The following TTC28 variants were observed in gnomAD, a reference collection of about 807,000 sequenced individuals.
TTC28 encodes the protein tetratricopeptide repeat protein 28.
In TTC28, 61 loss-of-function variants were observed where a neutral mutation model predicts 198.0. The observed-to-expected ratio is 0.31, with a 90% CI of 0.25 to 0.38. TTC28 has a LOEUF of 0.38. Ranked by LOEUF, TTC28 falls within the 10% of genes least tolerant of loss-of-function variation. The pLI, the probability that TTC28 is intolerant of heterozygous loss-of-function variation, is 1.00. For missense variants in TTC28, 2,678 were observed against 3,164.0 expected (o/e 0.85, Z 3.69); for synonymous variants, 1,171 against 1,297.8 (o/e 0.90, Z 2.10).
chr22:28,654,061 A>G (rs1347001107), intron 1 of TTC28, among the ~76,000 whole-genome samples: 1 of 152,174 alleles, frequency 6.6e-6, no homozygotes, highest in African/African-American at 2.4e-5. Flanking sequence ...AGAAGAGAGA[A>G]GGATAGATGA....
intron 12 of TTC28, among the ~76,000 whole-genome samples, chr22:28,045,036 C>T (rs1299564237): frequency 6.6e-6 from 1 of 152,094 alleles, no homozygotes; most frequent in Non-Finnish European, 1.5e-5. Flanking sequence ...TACTTGTTGT[C>T]TTATTTTTGA....
intron 13 of TTC28, 149 bp downstream of exon 13, chr22:28,030,077 G>A (rs1337656641): frequency 2.6e-6 from 3 of 1,154,310 alleles, no homozygotes; most frequent in Non-Finnish European, 3.6e-6. Flanking sequence ...GACGGGCATG[G>A]GGCTGTGAAA....
chr22:28,631,258 T>C (rs2051169369), intron 1 of TTC28, among the ~76,000 whole-genome samples: 1 of 152,222 alleles, frequency 6.6e-6, no homozygotes, highest in Non-Finnish European at 1.5e-5. Context: ...AAAATAAGGT[T>C]TAAAAAATGT....
At position 28,154,607 on chromosome 22, in the gene TTC28, C is replaced by T. The variant is rs548652380; in HGVS notation, c.1441+8485G>A. On this transcript the variant is annotated intron_variant, in intron 6 of 22. Transcript: ENST00000397906. Reference sequence around the variant, plus strand: ...TCCTGACCTTGTGATCCGCCTGCCTCGGCCTCCCAAAGTGCTGGGATTACA... The same window carrying T: ...TCCTGACCTTGTGATCCGCCTGCCTTGGCCTCCCAAAGTGCTGGGATTACA... Among the ~76,000 whole-genome samples the T allele has an allele frequency of 1.7e-4, 26 of 152,172 alleles. 1 individual carries two copies. In the South Asian group the frequency reaches 5.2e-3, roughly 30 times the overall value.
chr22:28,460,656 TAGATAGATAGAC>T (rs1261748202), intron 2 of TTC28, among the ~76,000 whole-genome samples: 167 of 100,654 alleles, frequency 1.7e-3, no homozygotes, highest in South Asian at 6.7e-3. Flanking sequence ...GATAGATAGA[TAGATAGATAGAC>T]AGACAGACAG....
chr22:28,586,419 T>C (rs961006874), intron 2 of TTC28, among the ~76,000 whole-genome samples: 4 of 151,776 alleles, frequency 2.6e-5, no homozygotes, highest in African/African-American at 9.7e-5. Context: ...TATAGAAAGA[T>C]TAAAGATAGA....
At chr22:28,644,028 C>T (rs765853504) in intron 1 of TTC28, among the ~76,000 whole-genome samples, 1 of 152,088 alleles carries the variant, frequency 6.6e-6, no homozygotes, top group Non-Finnish European at 1.5e-5. Flanking sequence ...TGATTCAAAC[C>T]CTTGTGCAGG....
At chr22:28,212,158 C>A (rs949758282) in intron 5 of TTC28, among the ~76,000 whole-genome samples, 5 of 151,978 alleles carry the variant, frequency 3.3e-5, no homozygotes, top group Non-Finnish European at 7.4e-5. Context: ...GCACTAAATG[C>A]CCACAAGAGA....
chr22:28,660,299 T>C (rs1288099244), intron 1 of TTC28, among the ~76,000 whole-genome samples: 1 of 152,182 alleles, frequency 6.6e-6, no homozygotes, highest in Non-Finnish European at 1.5e-5. Flanking sequence ...TTCTTTATCA[T>C]TTCTTTCATC....
chr22:28,410,556 G>A (rs2047065306), intron 2 of TTC28, among the ~76,000 whole-genome samples: 1 of 152,228 alleles, frequency 6.6e-6, no homozygotes, highest in Non-Finnish European at 1.5e-5. Flanking sequence ...GTGTGAGAGA[G>A]AAGAGGAAAC....
At chr22:28,366,507 A>ACT (rs1370199439) in intron 2 of TTC28, among the ~76,000 whole-genome samples, 43 of 152,148 alleles carry the variant, frequency 2.8e-4, no homozygotes, top group Middle Eastern at 3.2e-3. Flanking sequence ...AAAAAGTAAT[A>ACT]AGTACTTAAT....
At chr22:28,287,206 C>T (rs117022305) in intron 5 of TTC28, among the ~76,000 whole-genome samples, 2,493 of 152,126 alleles carry the variant, frequency 0.016, 45 homozygotes, top group Non-Finnish European at 0.023. Context: ...TATATGTATA[C>T]CTTATATCTT....
chr22:28,085,808 T>C (rs1941568955), intron 12 of TTC28, among the ~76,000 whole-genome samples: 1 of 152,086 alleles, frequency 6.6e-6, no homozygotes, highest in African/African-American at 2.4e-5. Context: ...AATAAAAGGA[T>C]GGAGGAACAT....
chr22:28,575,563 G>A (rs978816169), intron 2 of TTC28, among the ~76,000 whole-genome samples: 12 of 152,180 alleles, frequency 7.9e-5, no homozygotes, highest in East Asian at 3.9e-4. Flanking sequence ...TTGTTATTTC[G>A]AAAGAGATTG....
At chr22:28,363,639 C>T (rs1269298566) in intron 2 of TTC28, among the ~76,000 whole-genome samples, 1 of 152,194 alleles carries the variant, frequency 6.6e-6, no homozygotes, top group Non-Finnish European at 1.5e-5. Context: ...TCAATGCCAG[C>T]CCATGAAAGC....
chr22:28,603,672 A>G (rs1045799767), intron 2 of TTC28, among the ~76,000 whole-genome samples: 1 of 152,144 alleles, frequency 6.6e-6, no homozygotes, highest in African/African-American at 2.4e-5. Context: ...TGAGATTACA[A>G]GTGTGAGCCA....
chr22:28,659,566 A>G (rs1343165682), intron 1 of TTC28, among the ~76,000 whole-genome samples: 1 of 151,980 alleles, frequency 6.6e-6, no homozygotes, highest in East Asian at 1.9e-4. Flanking sequence ...CTATTTATTA[A>G]TAACTACATT....
chr22:28,410,408 T>C (rs184712644), intron 2 of TTC28, among the ~76,000 whole-genome samples: 137 of 152,356 alleles, frequency 9.0e-4, no homozygotes, highest in African/African-American at 2.9e-3. Flanking sequence ...TTGGTGACTA[T>C]TGTGAACATA....
At chr22:28,058,070 A>C (rs975813045) in intron 12 of TTC28, among the ~76,000 whole-genome samples, 1 of 152,074 alleles carries the variant, frequency 6.6e-6, no homozygotes, top group East Asian at 1.9e-4. Context: ...TGGATATTCT[A>C]GGTCAAATAT....
Sources: allele counts gnomAD v4.1 joint callset (sites outside exome capture counted in the v4.1 genomes callset), GRCh38; gene constraint gnomAD v4.1.1; transcripts MANE v1.5; gene names NCBI Gene and HGNC (gene_info 2026-07-23, HGNC 2026-07-21).